The following RET variants were observed in gnomAD, a reference collection of about 807,000 sequenced individuals.
RET encodes the protein proto-oncogene tyrosine-protein kinase receptor Ret.
In RET, 19 loss-of-function variants were observed where a neutral mutation model predicts 118.3. The ratio of observed to expected loss-of-function variants is 0.16; its 90% confidence interval spans 0.11 to 0.24. The LOEUF (loss-of-function observed/expected upper bound fraction) is 0.24. RET is among the 10% of genes least tolerant of loss of function. RET has a pLI of 1.00. For synonymous variants in RET, 597 were observed against 644.1 expected, an observed-to-expected ratio of 0.93 and a Z score of 1.11; for missense variants, 1,219 against 1,502.1, an observed-to-expected ratio of 0.81 and a Z score of 3.12.
intron 16 of RET, among the ~76,000 whole-genome samples, chr10:43,123,058 C>G (rs982026369): frequency 6.6e-6 from 1 of 152,220 alleles, no homozygotes; most frequent in South Asian, 2.1e-4. Context: ...GCCCAGTGAC[C>G]TCTGGCTGCC....
intron 1 of RET, among the ~76,000 whole-genome samples, chr10:43,088,766 G>T (rs1006548558): frequency 1.3e-5 from 2 of 152,146 alleles, no homozygotes; most frequent in Non-Finnish European, 2.9e-5. Flanking sequence ...GGAGTCCACA[G>T]CCTTGCCTGG....
At chr10:43,115,251 C>T (rs1405550136) in intron 11 of RET, among the ~76,000 whole-genome samples, 1 of 152,186 alleles carries the variant, frequency 6.6e-6, no homozygotes, top group Non-Finnish European at 1.5e-5. Context: ...AACGGTGAGC[C>T]ACGCAGCTTA....
rs2132800900 is a variant in RET, at chr10:43,112,192, G to A, written c.1616G>A (p.Gly539Asp). 6.4e-7 allele frequency: 1 copy of A among 1,562,186 alleles called. No homozygotes were observed. The highest frequency in any genetic ancestry group is 8.7e-7 in the Non-Finnish European group (1 of 1,152,638). ...TGTGGCGGCCTGGGCTCCCCAACAG[G>A]CAGGTGTGAGTGGAGGCAAGGAGAT... ...EECGGLGSPT[G>D]RCEWRQGDGK... Residue 539 changes from glycine (G) to aspartate (D), a missense_variant, in exon 8 of 20, where the codon GGC becomes GAC. Coordinates refer to ENST00000355710, the MANE Select transcript of RET (RefSeq NM_020975.6).
chr10:43,078,818 A>G (rs1837112518), intron 1 of RET, among the ~76,000 whole-genome samples: 1 of 152,196 alleles, frequency 6.6e-6, no homozygotes, highest in African/African-American at 2.4e-5. Flanking sequence ...TTCCGTGCCC[A>G]GACCCCTGGC....
chr10:43,082,709 G>A, intron 1 of RET, among the ~76,000 whole-genome samples: 1 of 152,240 alleles, frequency 6.6e-6, no homozygotes, highest in South Asian at 2.1e-4. Context: ...TGGCCACCAA[G>A]CTGTTTCCAG....
At position 43,114,189 on chromosome 10, in the gene RET, G is replaced by A. The variant is rs191275324; in HGVS notation, c.1880-291G>A. Among the ~76,000 whole-genome samples the A allele has an allele frequency of 1.4e-4, 21 of 152,310 alleles. No homozygotes were observed. In the East Asian group the frequency reaches 3.7e-3, roughly 27 times the overall value. On this transcript the variant is annotated intron_variant, in intron 10 of 19. Transcript: ENST00000355710. The surrounding 1 kb of genome is among the most constrained non-coding windows in gnomAD (Gnocchi z 4.6). ...TGACCTCCCCTGCCAGCCCTCCAGT[G>A]CCAGCTGGTGTAATGAGCACAGCCT... is the stretch of plus-strand genomic sequence containing the variant.
In RET at chr10:43,104,617, G is replaced by T. The variant is rs551462670; in HGVS notation, c.626-335G>T. 7.3e-4 allele frequency: 345 copies of T among 475,760 alleles called. 1 individual carries two copies. Among genetic ancestry groups the T allele is most frequent in the Middle Eastern group, 6.3e-3 (11 of 1,734 alleles). The allele number at this position is 475,760 out of a possible 1,614,324, so 29.5% of individuals were successfully genotyped here. On this transcript the variant is annotated intron_variant, in intron 3 of 19. Transcript: ENST00000355710. ...CCCTTCCCCACACAAGGCCACTCCT[G>T]ATCAAGGCCAGGTGGGCGGAGGGGT...
At chr10:43,110,167 C>T (rs1837884586) in intron 6 of RET, among the ~76,000 whole-genome samples, 1 of 150,450 alleles carries the variant, frequency 6.6e-6, no homozygotes, top group South Asian at 2.2e-4. Context: ...CGGGGGGTCT[C>T]ATGGGGGGCG....
At position 43,105,197 on chromosome 10, in the gene RET, C is replaced by T; in HGVS notation, c.867+4C>T. On this transcript the variant is annotated splice_donor_region_variant and intron_variant, in intron 4 of 19. Coordinates refer to ENST00000355710, the MANE Select transcript of RET (RefSeq NM_020975.6). ...GGTGGAGTTCAAGCGGAAGGAGGTG[C>T]TTGTCCGCGCGTGCTGTGGTCTACC... 2 of 1,612,644 alleles carry T rather than the reference C, an allele frequency of 1.2e-6. No individual in the cohort carries two copies. Among genetic ancestry groups the T allele is most frequent in the Non-Finnish European group, 8.5e-7 (1 of 1,179,906 alleles).
intron 1 of RET, among the ~76,000 whole-genome samples, chr10:43,084,938 C>G (rs1322689099): frequency 6.6e-6 from 1 of 152,216 alleles, no homozygotes. Flanking sequence ...CGCCCTCTCT[C>G]GCTCATCCTG....
At chr10:43,127,898 T>C (rs1473124824) in intron 19 of RET, among the ~76,000 whole-genome samples, 1 of 152,176 alleles carries the variant, frequency 6.6e-6, no homozygotes, top group Non-Finnish European at 1.5e-5. Flanking sequence ...AAATTGGTAG[T>C]GTCTGTTAAG....
chr10:43,126,212 G>A (rs538776628), intron 18 of RET, among the ~76,000 whole-genome samples: 3 of 152,242 alleles, frequency 2.0e-5, no homozygotes, highest in South Asian at 4.1e-4. Context: ...GGCTGGTTCC[G>A]TGCTGCCCAT....
intron 11 of RET, among the ~76,000 whole-genome samples, chr10:43,115,699 A>G (rs1838055907): frequency 6.6e-6 from 1 of 152,180 alleles, no homozygotes; most frequent in Non-Finnish European, 1.5e-5. Flanking sequence ...CCAGAGTCAC[A>G]CTCATCAGCA....
chr10:43,110,602 A>G (rs965661406), intron 6 of RET, among the ~76,000 whole-genome samples: 2 of 152,112 alleles, frequency 1.3e-5, no homozygotes, highest in African/African-American at 4.8e-5. Context: ...AGAGCCTGGC[A>G]TCCCCAGGAG....
intron 1 of RET, 54 bp from the exon 2 acceptor site, chr10:43,100,405 C>A (rs1262565597): frequency 6.8e-7 from 1 of 1,467,348 alleles, no homozygotes; most frequent in Non-Finnish European, 9.3e-7. Flanking sequence ...TTTTTTTTGT[C>A]CTTGAAGAAG....
At position 43,114,710 on chromosome 10, in the gene RET, G is replaced by T. The variant is rs927029236; in HGVS notation, c.2110G>T (p.Val704Phe). ...CTCGCTGGACTCCATGGAGAACCAG[G>T]TCTCCGTGGATGCCTTCAAGATCCT... ...RPSLDSMENQVSVDAFKILED... is the reference protein window; with the variant it reads ...RPSLDSMENQFSVDAFKILED... The change falls in exon 11 of 20, where the codon GTC (valine) becomes TTC (phenylalanine). Residue 704 changes from valine (V) to phenylalanine (F), a missense_variant. Val to Phe is a conservative substitution (Grantham distance 50). Around this residue, in one of 5 missense-constraint regions of RET, gnomAD observed 850 missense variants for 969.6 expected, o/e 0.88. Coordinates refer to ENST00000355710, the MANE Select transcript of RET (RefSeq NM_020975.6). The surrounding 1 kb of genome is among the most constrained non-coding windows in gnomAD (Gnocchi z 4.6). 17 of 1,611,496 alleles carry T rather than the reference G, an allele frequency of 1.1e-5. No individual in the cohort carries two copies. Among genetic ancestry groups the T allele is most frequent in the Middle Eastern group, 3.3e-4 (2 of 6,084 alleles).
chr10:43,084,698 G>A (rs992104749), intron 1 of RET, among the ~76,000 whole-genome samples: 48 of 152,190 alleles, frequency 3.2e-4, no homozygotes, highest in African/African-American at 1.1e-3. Context: ...TTCCTCACAT[G>A]GGCATTGAAT....
intron 1 of RET, among the ~76,000 whole-genome samples, chr10:43,094,448 C>A (rs1837478854): frequency 6.6e-6 from 1 of 152,198 alleles, no homozygotes; most frequent in Non-Finnish European, 1.5e-5. Flanking sequence ...TGGATCATAT[C>A]GTTGTTATTG....
intron 18 of RET, among the ~76,000 whole-genome samples, 184 bp downstream of exon 18, chr10:43,125,166 C>T (rs1009602494): frequency 7.2e-5 from 11 of 152,196 alleles, no homozygotes; most frequent in Non-Finnish European, 1.3e-4. Flanking sequence ...CAGGCCAGGC[C>T]GCTTGGGCTT....
Sources: gnomAD v4.1 joint callset for allele counts (sites outside exome capture counted in the v4.1 genomes callset) on GRCh38, gnomAD v4.1.1 for gene constraint, gnomAD v4.1.1 regional missense constraint, Gnocchi (gnomAD v3.1) non-coding constraint, MANE v1.5 for transcripts, NCBI Gene and HGNC (gene_info 2026-07-23, HGNC 2026-07-21) for gene names.